Variants in FBXO8 observed in about 807,000 individuals in gnomAD.
FBXO8 encodes the protein F-box only protein 8.
Under a neutral mutation model 33.4 loss-of-function variants are expected in FBXO8, and 15 were observed. The observed-to-expected ratio is 0.45, with a 90% CI of 0.30 to 0.69. FBXO8 has a LOEUF of 0.69. FBXO8 is among the 30% of genes least tolerant of loss of function. FBXO8 has a pLI of 0.08. For synonymous variants in FBXO8, 132 were observed against 131.5 expected (o/e 1.00, Z -0.02); for missense variants, 274 against 380.3 (o/e 0.72, Z 2.32).
chr4:174,244,903 G>T (rs981557080), intron 3 of FBXO8, among the ~76,000 whole-genome samples: 2 of 151,596 alleles, frequency 1.3e-5, no homozygotes. Context: ...TTTTAAAAAA[G>T]TATCCAATTC....
Position 174,247,548 on chromosome 4 carries a change from A to T in FBXO8, c.457-6330T>A, listed in dbSNP as rs184116936. Among the ~76,000 whole-genome samples, 1 of 152,018 alleles carries T rather than the reference A, an allele frequency of 6.6e-6. No homozygotes were observed. Among genetic ancestry groups the T allele is most frequent in the Non-Finnish European group, 1.5e-5 (1 of 67,974 alleles). ...AGTAATACTTAAACAATATAGCTCA[A>T]TCTAGATTTCTAACTTTTCTTTCAA... On this transcript the variant is annotated intron_variant, in intron 3 of 5. Coordinates refer to ENST00000393674, the MANE Select transcript of FBXO8 (RefSeq NM_012180.3). The surrounding 1 kb of genome is among the most constrained non-coding windows in gnomAD (Gnocchi z 4.6).
At chr4:174,242,123 A>G (rs1002550314) in intron 3 of FBXO8, among the ~76,000 whole-genome samples, 1 of 151,598 alleles carries the variant, frequency 6.6e-6, no homozygotes, top group Non-Finnish European at 1.5e-5. Context: ...ATGCATTCCC[A>G]TGAATACTTA....
In FBXO8 at chr4:174,283,584, C is replaced by G. The variant is rs1015985959; in HGVS notation, c.-183G>C. On this transcript the variant is annotated 5_prime_UTR_variant, in exon 1 of 6. Coordinates refer to ENST00000393674, the MANE Select transcript of FBXO8 (RefSeq NM_012180.3). This position sits in a 1 kb window ranked among gnomAD's most constrained non-coding sequence, Gnocchi z 6.7. ...ACCGCGATGAGAATACCAGAAACAG[C>G]ACTACGACCCTCAGAACTCAGGGTA... 3.6e-6 allele frequency: 1 copy of G among 281,266 alleles called. No individual in the cohort carries two copies. Among genetic ancestry groups the G allele is most frequent in the African/African-American group, 2.2e-5 (1 of 46,006 alleles). 17.4% of individuals were successfully genotyped at this position (281,266 alleles called of 1,614,324 possible).
In FBXO8 at chr4:174,242,499, C is replaced by T. The variant is rs140891933; in HGVS notation, c.457-1281G>A. ...TCAACATAATAGCCTACTAGCAATT[C>T]GATCAAATTTTCATGTGAATTTTAA... On this transcript the variant is annotated intron_variant, in intron 3 of 5. Transcript: ENST00000393674. Among the ~76,000 whole-genome samples, 277 of 151,570 alleles carry T rather than the reference C, an allele frequency of 1.8e-3. 1 individual carries two copies. The highest frequency in any genetic ancestry group is 2.7e-3 in the Non-Finnish European group (182 of 67,576).
In FBXO8 at chr4:174,261,669, C is replaced by T. The variant is rs1008145820; in HGVS notation, c.329+1095G>A. On this transcript the variant is annotated intron_variant, in intron 2 of 5. Coordinates refer to ENST00000393674, the MANE Select transcript of FBXO8 (RefSeq NM_012180.3). This position sits in a 1 kb window ranked among gnomAD's most constrained non-coding sequence, Gnocchi z 4.1. The stretch of plus-strand genomic sequence containing the variant: ...GTCAAACAAATGAGTAAAAGAATAA[C>T]AAGATATGATATTGATGATTTTTAT... Among the ~76,000 whole-genome samples the T allele has an allele frequency of 6.6e-5, 10 of 151,870 alleles. No individual in the cohort carries two copies. Among genetic ancestry groups the T allele is most frequent in the African/African-American group, 2.2e-4 (9 of 41,402 alleles).
At position 174,254,345 on chromosome 4, in the gene FBXO8, G is replaced by A. The variant is rs1465847611; in HGVS notation, c.456+5354C>T. Among the ~76,000 whole-genome samples, 2 of 152,082 alleles carry A rather than the reference G, an allele frequency of 1.3e-5. No homozygotes were observed. Among genetic ancestry groups the A allele is most frequent in the Non-Finnish European group, 2.9e-5 (2 of 68,010 alleles). ...TTTATTCCTGAGAGATTCACTTTCA[G>A]TAGAAAGATAAAGCCAAATTTCTAG... On this transcript the variant is annotated intron_variant, in intron 3 of 5. Coordinates refer to ENST00000393674, the MANE Select transcript of FBXO8 (RefSeq NM_012180.3). This position sits in a 1 kb window ranked among gnomAD's most constrained non-coding sequence, Gnocchi z 4.2.
chr4:174,280,720 T>G (rs1022830581), intron 1 of FBXO8, among the ~76,000 whole-genome samples: 3 of 152,194 alleles, frequency 2.0e-5, no homozygotes, highest in African/African-American at 7.2e-5. Flanking sequence ...TTATGCCAAG[T>G]TAAATAAGCC....
At chr4:174,269,719 A>T (rs1202292049) in intron 1 of FBXO8, among the ~76,000 whole-genome samples, 1 of 152,084 alleles carries the variant, frequency 6.6e-6, no homozygotes, top group Non-Finnish European at 1.5e-5. Context: ...GAATACTTAC[A>T]ACTGAAGATT....
In FBXO8 at chr4:174,241,010, T is replaced by A; in HGVS notation, c.575+90A>T. ...TTATTCAATTTTGCAACCAGATGATTACTATGCAGTATTAGTTTTAAAGTA... is the reference window on the plus strand; with the variant it reads ...TTATTCAATTTTGCAACCAGATGATAACTATGCAGTATTAGTTTTAAAGTA... On this transcript the variant is annotated intron_variant, in intron 4 of 5. Transcript: ENST00000393674. The surrounding 1 kb of genome is among the most constrained non-coding windows in gnomAD (Gnocchi z 4.2). 1.5e-6 allele frequency: 1 copy of A among 664,962 alleles called. No homozygotes were observed. Among genetic ancestry groups the A allele is most frequent in the South Asian group, 2.1e-5 (1 of 47,194 alleles). The allele number at this position is 664,962 out of a possible 1,614,324, so 41.2% of individuals were successfully genotyped here.
Position 174,281,866 on chromosome 4 carries a change from T to G in FBXO8, c.-9+1544A>C, listed in dbSNP as rs561988671. On this transcript the variant is annotated intron_variant, in intron 1 of 5. Coordinates refer to ENST00000393674, the MANE Select transcript of FBXO8 (RefSeq NM_012180.3). The surrounding 1 kb of genome is among the most constrained non-coding windows in gnomAD (Gnocchi z 4.6). ...AATAGATGTATTTCATTTAAATTGT[T>G]TAAAAAATTATTTAAGTAAAATAAT... Among the ~76,000 whole-genome samples, 1 of 152,304 alleles carries G rather than the reference T, an allele frequency of 6.6e-6. No individual in the cohort carries two copies. Among genetic ancestry groups the G allele is most frequent in the South Asian group, 2.1e-4 (1 of 4,828 alleles).
At position 174,252,405 on chromosome 4, in the gene FBXO8, G is replaced by A. The variant is rs1736310547; in HGVS notation, c.456+7294C>T. Among the ~76,000 whole-genome samples, 1 of 152,100 alleles carries A rather than the reference G, an allele frequency of 6.6e-6. No individual in the cohort carries two copies. The highest frequency in any genetic ancestry group is 2.1e-4 in the South Asian group (1 of 4,826). On this transcript the variant is annotated intron_variant, in intron 3 of 5. Transcript: ENST00000393674. The surrounding 1 kb of genome is among the most constrained non-coding windows in gnomAD (Gnocchi z 5.1). ...AACAGGAGACCTAGTTCAAAATAAA[G>A]GGATACATTTACTTCAAAAATAAAA...
intron 1 of FBXO8, among the ~76,000 whole-genome samples, chr4:174,264,867 A>G (rs1736655828): frequency 6.6e-6 from 1 of 152,036 alleles, no homozygotes; most frequent in Admixed American, 6.6e-5. Context: ...TTTGCAAAAC[A>G]CATATATGAT....
At position 174,265,448 on chromosome 4, in the gene FBXO8, T is replaced by A. The variant is rs373033869; in HGVS notation, c.-8-2348A>T. On this transcript the variant is annotated intron_variant, in intron 1 of 5. Transcript: ENST00000393674. The surrounding 1 kb of genome is among the most constrained non-coding windows in gnomAD (Gnocchi z 4.7). The stretch of plus-strand genomic sequence containing the variant: ...TTTCAAATCCTGTAAGCAACTACGA[T>A]GTACTTCATTATGCGAATGTATAAA... Among the ~76,000 whole-genome samples, 1 of 152,194 alleles carries A rather than the reference T, an allele frequency of 6.6e-6. No homozygotes were observed. The highest frequency in any genetic ancestry group is 2.4e-5 in the African/African-American group (1 of 41,466).
intron 1 of FBXO8, among the ~76,000 whole-genome samples, chr4:174,282,421 T>C (rs1737128342): frequency 1.3e-5 from 2 of 152,322 alleles, no homozygotes; most frequent in South Asian, 4.1e-4. Context: ...TACCCAGCAA[T>C]AGACAACTAA....
At chr4:174,240,059 C>T (rs1035193925) in intron 4 of FBXO8, among the ~76,000 whole-genome samples, 1 of 150,076 alleles carries the variant, frequency 6.7e-6, no homozygotes, top group African/African-American at 2.4e-5. Context: ...TTGTCTATAT[C>T]TGCTTTCACC....
rs760819091 is a variant in FBXO8, at chr4:174,241,073, G to A, written c.575+27C>T. ...TCAAAAACATTACTTAACTCATTTTGGATGAAAAGTTAATTTTCGTTTTTA... is the reference window on the plus strand; with the variant it reads ...TCAAAAACATTACTTAACTCATTTTAGATGAAAAGTTAATTTTCGTTTTTA... On this transcript the variant is annotated intron_variant, in intron 4 of 5. Transcript: ENST00000393674. This position sits in a 1 kb window ranked among gnomAD's most constrained non-coding sequence, Gnocchi z 4.2. The A allele has an allele frequency of 2.2e-6, 3 of 1,340,988 alleles. No homozygotes were observed. The highest frequency in any genetic ancestry group is 1.5e-5 in the African/African-American group (1 of 68,878). 83.1% of individuals were successfully genotyped at this position (1,340,988 alleles called of 1,614,324 possible).
At chr4:174,244,583 A>C (rs76650409) in intron 3 of FBXO8, among the ~76,000 whole-genome samples, 1 of 151,458 alleles carries the variant, frequency 6.6e-6, no homozygotes, top group African/African-American at 2.4e-5. Flanking sequence ...TTTTATTTGC[A>C]TGTGGGGAGA....
chr4:174,265,680 G>C lies in FBXO8; in HGVS notation c.-8-2580C>G, dbSNP rs146015647. On this transcript the variant is annotated intron_variant, in intron 1 of 5. Coordinates refer to ENST00000393674, the MANE Select transcript of FBXO8 (RefSeq NM_012180.3). The surrounding 1 kb of genome is among the most constrained non-coding windows in gnomAD (Gnocchi z 4.7). ...GCAAAACTATGGAGACAGTAGAAAT[G>C]ATCAACGTACAAAAAATAGAGAATG... is the stretch of plus-strand genomic sequence containing the variant. 6.6e-6 allele frequency among the ~76,000 whole-genome samples: 1 copy of C among 152,004 alleles called. No homozygotes were observed. Among genetic ancestry groups the C allele is most frequent in the Non-Finnish European group, 1.5e-5 (1 of 67,948 alleles).
At chr4:174,242,949 ATTC>A (rs1736073736) in intron 3 of FBXO8, among the ~76,000 whole-genome samples, 2 of 151,616 alleles carry the variant, frequency 1.3e-5, no homozygotes, top group Admixed American at 1.3e-4. Flanking sequence ...TAGATTCTTT[ATTC>A]ATACCTAAAT....
Sources: allele counts gnomAD v4.1 joint callset (sites outside exome capture counted in the v4.1 genomes callset), GRCh38; gene constraint gnomAD v4.1.1; non-coding constraint Gnocchi (gnomAD v3.1); transcripts MANE v1.5; gene names NCBI Gene and HGNC (gene_info 2026-07-23, HGNC 2026-07-21).